XPR1: variants seen among roughly 807,000 people sequenced by gnomAD.
The protein encoded by XPR1 is xenotropic and polytropic retrovirus receptor 1.
In XPR1, 28 loss-of-function variants were observed where a neutral mutation model predicts 87.5. The observed-to-expected ratio is 0.32, with a 90% confidence interval of 0.24 to 0.44. The LOEUF is 0.44. Ranked by LOEUF, XPR1 falls within the 20% of genes least tolerant of loss-of-function variation. The pLI, the probability that XPR1 is intolerant of heterozygous loss-of-function variation, is 1.00. For missense variants in XPR1, 559 were observed against 862.3 expected, an observed-to-expected ratio of 0.65 and a Z score of 4.41; for synonymous variants, 300 against 306.1, an observed-to-expected ratio of 0.98 and a Z score of 0.21.
chr1:180,794,530 A>G (rs377520609), intron 3 of XPR1, among the ~76,000 whole-genome samples: 5 of 152,258 alleles, frequency 3.3e-5, no homozygotes, highest in African/African-American at 2.4e-5. Context: ...TATGTGCAAT[A>G]TGACATTTAG....
chr1:180,632,084 A>G lies in XPR1; in HGVS notation c.-118A>G. 1 of 1,224,320 alleles carries G rather than the reference A, an allele frequency of 8.2e-7. No individual in the cohort carries two copies. Among genetic ancestry groups the G allele is most frequent in the Non-Finnish European group, 1.2e-6 (1 of 851,452 alleles). 75.8% of individuals were successfully genotyped at this position (1,224,320 alleles called of 1,614,324 possible). On this transcript the variant is annotated 5_prime_UTR_variant, in exon 1 of 15. Coordinates refer to ENST00000367590, the MANE Select transcript of XPR1 (RefSeq NM_004736.4). ...GAAGAGACCTCGGCGGCGGCGGAGGAGGAGAGAAGCGCAGCGCCGCGCCGC... is the reference window on the plus strand; with the variant it reads ...GAAGAGACCTCGGCGGCGGCGGAGGGGGAGAGAAGCGCAGCGCCGCGCCGC...
intron 11 of XPR1, among the ~76,000 whole-genome samples, chr1:180,850,822 C>G (rs1003331872): frequency 6.6e-6 from 1 of 151,926 alleles, no homozygotes; most frequent in Non-Finnish European, 1.5e-5. Flanking sequence ...AGGCAAGTGT[C>G]GTGGTACACA....
At chr1:180,767,587 C>G (rs1648336580) in intron 2 of XPR1, among the ~76,000 whole-genome samples, 1 of 151,980 alleles carries the variant, frequency 6.6e-6, no homozygotes. Flanking sequence ...GGAATAAACT[C>G]TAGAACATGT....
At chr1:180,654,512 T>C (rs1441566996) in intron 1 of XPR1, among the ~76,000 whole-genome samples, 1 of 152,140 alleles carries the variant, frequency 6.6e-6, no homozygotes, top group Non-Finnish European at 1.5e-5. Flanking sequence ...ACCATCCATC[T>C]CAATTCTTTT....
At chr1:180,634,824 G>A (rs59451280) in intron 1 of XPR1, among the ~76,000 whole-genome samples, 6,499 of 151,584 alleles carry the variant, frequency 0.043, 494 homozygotes, top group African/African-American at 0.15. Flanking sequence ...TTTTACATCT[G>A]TAATTATATT....
intron 1 of XPR1, among the ~76,000 whole-genome samples, chr1:180,661,718 T>C (rs1373025054): frequency 1.3e-5 from 2 of 151,898 alleles, no homozygotes; most frequent in Admixed American, 6.6e-5. Flanking sequence ...AAAAAAAATA[T>C]GCAAAAATTA....
At position 180,879,137 on chromosome 1, in the gene XPR1, C is replaced by A. The variant is rs537396274; in HGVS notation, c.1809-939C>A. 3.0e-4 allele frequency among the ~76,000 whole-genome samples: 46 copies of A among 152,316 alleles called. 1 individual carries two copies. In the South Asian group the frequency reaches 7.0e-3, roughly 23 times the overall value. ...CCCTAAGACGACTCACATCGCATGTCAGTAAGTCCTGTCAGCTCCATCTTT... is the reference window on the plus strand; with the variant it reads ...CCCTAAGACGACTCACATCGCATGTAAGTAAGTCCTGTCAGCTCCATCTTT... On this transcript the variant is annotated intron_variant, in intron 13 of 14. Coordinates refer to ENST00000367590, the MANE Select transcript of XPR1 (RefSeq NM_004736.4).
chr1:180,873,729 A>G (rs1558046995), intron 12 of XPR1, 74 bp from the exon 13 acceptor site: 5 of 1,530,156 alleles, frequency 3.3e-6, no homozygotes, highest in Non-Finnish European at 3.6e-6. Context: ...TGTTTGTAGG[A>G]CATATGCTCA....
intron 2 of XPR1, among the ~76,000 whole-genome samples, chr1:180,750,622 G>T (rs1647495272): frequency 6.6e-6 from 1 of 151,988 alleles, no homozygotes; most frequent in South Asian, 2.1e-4. Flanking sequence ...CTTTATGCAG[G>T]TGCAACATTT....
intron 2 of XPR1, among the ~76,000 whole-genome samples, chr1:180,694,011 G>A (rs1431487087): frequency 6.6e-6 from 1 of 152,134 alleles, no homozygotes; most frequent in South Asian, 2.1e-4. Context: ...AGGCTGTAGT[G>A]CAGTGGCAAA....
At chr1:180,653,001 C>T (rs2101905969) in intron 1 of XPR1, among the ~76,000 whole-genome samples, 1 of 152,312 alleles carries the variant, frequency 6.6e-6, no homozygotes, top group East Asian at 1.9e-4. Context: ...AAATGGTTTG[C>T]AATTTGTGCT....
At chr1:180,636,038 A>G (rs1219398193) in intron 1 of XPR1, among the ~76,000 whole-genome samples, 1 of 152,334 alleles carries the variant, frequency 6.6e-6, no homozygotes, top group East Asian at 1.9e-4. Context: ...TATTTAACTT[A>G]AAAAGGGATG....
At chr1:180,874,175 G>T (rs908514881) in intron 13 of XPR1, 1 of 430,386 alleles carries the variant, frequency 2.3e-6, no homozygotes, top group East Asian at 4.2e-5. Context: ...GATTACAGGC[G>T]TGAGCTACTG....
At chr1:180,760,275 A>G (rs1647960815) in intron 2 of XPR1, among the ~76,000 whole-genome samples, 2 of 152,212 alleles carry the variant, frequency 1.3e-5, no homozygotes, top group South Asian at 4.1e-4. Context: ...GCAAACAGGC[A>G]GGAGAAGGAA....
chr1:180,762,529 C>A (rs1648085660), intron 2 of XPR1, among the ~76,000 whole-genome samples: 1 of 152,092 alleles, frequency 6.6e-6, no homozygotes, highest in Non-Finnish European at 1.5e-5. Flanking sequence ...AAGCAAAGAT[C>A]TTTCATGGTG....
chr1:180,712,840 AT>A (rs1473912592), intron 2 of XPR1, among the ~76,000 whole-genome samples: 6 of 152,192 alleles, frequency 3.9e-5, no homozygotes, highest in Admixed American at 1.3e-4. Context: ...AAATAAAAAA[AT>A]AAATCAGTTG....
Position 180,878,999 on chromosome 1 carries a change from C to T in XPR1, c.1809-1077C>T, listed in dbSNP as rs1054278044. Among the ~76,000 whole-genome samples, 7 of 152,188 alleles carry T rather than the reference C, an allele frequency of 4.6e-5. No individual in the cohort carries two copies. The South Asian group carries it at 8.3e-4, about 18-fold the overall frequency. On this transcript the variant is annotated intron_variant, in intron 13 of 14. Coordinates refer to ENST00000367590, the MANE Select transcript of XPR1 (RefSeq NM_004736.4). ...AACTTTCCCTTGAACTGCAGACTCT[C>T]GTCCACCTCTCTACTGAATTCTCCC...
At chr1:180,712,845 T>C (rs543517549) in intron 2 of XPR1, among the ~76,000 whole-genome samples, 26 of 151,274 alleles carry the variant, frequency 1.7e-4, no homozygotes, top group Non-Finnish European at 3.1e-4. Flanking sequence ...AAAAAATAAA[T>C]CAGTTGTTCA....
intron 2 of XPR1, among the ~76,000 whole-genome samples, chr1:180,715,052 A>G (rs529012362): frequency 6.6e-6 from 1 of 152,220 alleles, no homozygotes; most frequent in Non-Finnish European, 1.5e-5. Flanking sequence ...TTAGGAAAAT[A>G]TGGGAAAAGG....
Sources: gnomAD v4.1 joint callset for allele counts (sites outside exome capture counted in the v4.1 genomes callset) on GRCh38, gnomAD v4.1.1 for gene constraint, MANE v1.5 for transcripts, NCBI Gene and HGNC (gene_info 2026-07-23, HGNC 2026-07-21) for gene names.